Variants in CPD observed in about 807,000 individuals in gnomAD.
CPD encodes the protein carboxypeptidase D.
CPD carries 69 observed loss-of-function variants against 138.3 expected under a neutral mutation model. The observed-to-expected ratio is 0.50, with a 90% confidence interval of 0.41 to 0.61. CPD has a LOEUF of 0.61. Ranked by LOEUF, CPD falls within the 20% of genes least tolerant of loss-of-function variation. CPD has a pLI of 0.00. For missense variants in CPD, 1,432 were observed against 1,733.3 expected (o/e 0.83, Z 3.09); for synonymous variants, 651 against 642.1 (o/e 1.01, Z -0.21).
intron 17 of CPD, among the ~76,000 whole-genome samples, chr17:30,457,706 C>A (rs989517379): frequency 3.6e-4 from 54 of 151,794 alleles, no homozygotes; most frequent in African/African-American, 1.3e-3. Context: ...GTTGCTCAGG[C>A]TGGAGTGCAG....
Position 30,462,477 on chromosome 17 carries a change from CAT to C in CPD, c.3916+9_3916+10del, listed in dbSNP as rs748264994. ...TTGTGGTAACTGTATCAGGTAAAGA[CAT>C]TTTGATTTTTAGTAGTAAAAGTTAA... On this transcript the variant is annotated intron_variant, in intron 20 of 20. Transcript: ENST00000225719. 10 of 1,603,956 alleles carry C rather than the reference CAT, an allele frequency of 6.2e-6. No individual in the cohort carries two copies. In the South Asian group the frequency reaches 1.1e-4, roughly 18 times the overall value.
Position 30,392,292 on chromosome 17 carries a change from G to T in CPD, c.994+7056G>T, listed in dbSNP as rs188349655. Among the ~76,000 whole-genome samples, 231 of 152,250 alleles carry T rather than the reference G, an allele frequency of 1.5e-3. 1 individual carries two copies. The highest frequency in any genetic ancestry group is 2.6e-3 in the Non-Finnish European group (178 of 68,016). Reference sequence around the variant, plus strand: ...CCCAAAGTGCTAGGATTACAGGCATGAGCCACTGCGCCCGGCCTAAAATCT... The same window carrying T: ...CCCAAAGTGCTAGGATTACAGGCATTAGCCACTGCGCCCGGCCTAAAATCT... On this transcript the variant is annotated intron_variant, in intron 2 of 20. Transcript: ENST00000225719.
chr17:30,379,112 G>T lies in CPD; in HGVS notation c.132G>T (p.Thr44=), dbSNP rs1416334462. ...AGGCGGAGGCGACTACCACAACTAC[G>T]AGCGCGGGCGCCGAGGCGGCCGAGG... ...IKKAEATTTT[T]SAGAEAAEGQ... The change falls in exon 1 of 21, where the codon ACG becomes ACT. Residue 44 remains threonine, a synonymous_variant. Coordinates refer to ENST00000225719, the MANE Select transcript of CPD (RefSeq NM_001304.5). This position sits in a 1 kb window ranked among gnomAD's most constrained non-coding sequence, Gnocchi z 7.0. 2.6e-6 allele frequency: 4 copies of T among 1,545,076 alleles called. No homozygotes were observed. The African/African-American group carries it at 5.6e-5, about 22-fold the overall frequency.
At chr17:30,381,947 A>G (rs965374016) in intron 1 of CPD, among the ~76,000 whole-genome samples, 3 of 152,248 alleles carry the variant, frequency 2.0e-5, no homozygotes, top group African/African-American at 7.2e-5. Flanking sequence ...ATGGATGTTG[A>G]GACAAATACT....
Position 30,455,245 on chromosome 17 carries a change from C to T in CPD, c.3206-94C>T. 11 of 1,038,562 alleles carry T rather than the reference C, an allele frequency of 1.1e-5. No homozygotes were observed. The South Asian group carries it at 1.8e-4, about 17-fold the overall frequency. The allele number at this position is 1,038,562 out of a possible 1,614,324, so 64.3% of individuals were successfully genotyped here. ...ATTTATCTACAAATTTTTAAGTTAG[C>T]ATTTTGATTGTATTCAAGTAGAGAA... is the stretch of plus-strand genomic sequence containing the variant. On this transcript the variant is annotated intron_variant, in intron 14 of 20. Coordinates refer to ENST00000225719, the MANE Select transcript of CPD (RefSeq NM_001304.5).
intron 2 of CPD, among the ~76,000 whole-genome samples, chr17:30,392,661 A>G (rs1911391522): frequency 6.6e-6 from 1 of 152,218 alleles, no homozygotes; most frequent in African/African-American, 2.4e-5. Flanking sequence ...AAAAAACACT[A>G]TTCTTGATCA....
chr17:30,395,147 T>C (rs1911465182), intron 2 of CPD, among the ~76,000 whole-genome samples: 1 of 151,464 alleles, frequency 6.6e-6, no homozygotes, highest in African/African-American at 2.4e-5. Context: ...TTTAATTGCG[T>C]GGAGCTAGAA....
intron 2 of CPD, among the ~76,000 whole-genome samples, chr17:30,396,284 T>TA (rs905226718): frequency 3.9e-5 from 6 of 152,184 alleles, no homozygotes; most frequent in Admixed American, 1.3e-4. Context: ...TTTTCCTATT[T>TA]AAAAAAACAC....
chr17:30,446,832 C>G (rs1266892163), intron 12 of CPD, among the ~76,000 whole-genome samples: 1 of 152,214 alleles, frequency 6.6e-6, no homozygotes, highest in East Asian at 1.9e-4. Context: ...TCCTCTCCAG[C>G]ACCTGTTGTT....
chr17:30,382,161 T>G lies in CPD; in HGVS notation c.746+2435T>G, dbSNP rs142521226. ...TGAGAGTGGGTGCAGATGATTTTTT[T>G]GGGGGCTTATGTATACATATCTATG... is the stretch of plus-strand genomic sequence containing the variant. On this transcript the variant is annotated intron_variant, in intron 1 of 20. Transcript: ENST00000225719. 6.0e-4 allele frequency among the ~76,000 whole-genome samples: 92 copies of G among 152,250 alleles called. 1 individual carries two copies. Among genetic ancestry groups the G allele is most frequent in the South Asian group, 5.4e-3 (26 of 4,828 alleles).
intron 2 of CPD, among the ~76,000 whole-genome samples, chr17:30,389,272 T>G (rs1197617002): frequency 6.6e-6 from 1 of 152,344 alleles, no homozygotes; most frequent in South Asian, 2.1e-4. Flanking sequence ...TCCTATAGTT[T>G]CTACCAGTGT....
chr17:30,446,337 C>G (rs1281866427), intron 12 of CPD, among the ~76,000 whole-genome samples: 1 of 152,094 alleles, frequency 6.6e-6, no homozygotes, highest in Non-Finnish European at 1.5e-5. Flanking sequence ...ACCCCTACCC[C>G]ACAACAGACC....
At position 30,443,809 on chromosome 17, in the gene CPD, A is replaced by T; in HGVS notation, c.2381A>T (p.Gln794Leu). The T allele has an allele frequency of 6.2e-7, 1 of 1,609,102 alleles. No homozygotes were observed. Among genetic ancestry groups the T allele is most frequent in the Non-Finnish European group, 8.5e-7 (1 of 1,176,504 alleles). ...SLIQFMKQVH[Q>L]GVRGFVLDAT... ...TCCTTGTACTTAATCCAGGTTCATC[A>T]GGGCGTCAGAGGATTTGTTCTAGAT... is the stretch of plus-strand genomic sequence containing the variant. Residue 794 changes from glutamine (Q) to leucine (L), a missense_variant, in exon 11 of 21, where the codon CAG becomes CTG. This residue lies in a region of CPD where 297 missense variants were observed against 405.3 expected (regional missense o/e 0.73). Transcript: ENST00000225719.
chr17:30,379,331 CGGGCCCGACGCTGCG>C lies in CPD; in HGVS notation c.357_371del (p.Asp120_Pro124del). 1.3e-6 allele frequency: 2 copies of C among 1,489,634 alleles called. No individual in the cohort carries two copies. The highest frequency in any genetic ancestry group is 1.8e-6 in the Non-Finnish European group (2 of 1,127,748). The allele number at this position is 1,489,634 out of a possible 1,614,324, so 92.3% of individuals were successfully genotyped here. A position where few individuals can be genotyped will look rare whatever the true frequency, so the allele number is the denominator to read the frequency against. ...AGGGCGACGCGGGGCCTGACGCTGCCGGGCCCGACGCTGCGGGGCCGCTGCTGCCCGGCCGGCCCC... is the reference window on the plus strand; with the variant it reads ...AGGGCGACGCGGGGCCTGACGCTGCCGGGCCGCTGCTGCCCGGCCGGCCCC... On this transcript the variant is annotated inframe_deletion, in exon 1 of 21. Coordinates refer to ENST00000225719, the MANE Select transcript of CPD (RefSeq NM_001304.5). This position sits in a 1 kb window ranked among gnomAD's most constrained non-coding sequence, Gnocchi z 7.0.
chr17:30,427,082 T>C (rs868680290), intron 6 of CPD, among the ~76,000 whole-genome samples: 8 of 151,498 alleles, frequency 5.3e-5, no homozygotes, highest in African/African-American at 1.9e-4. Flanking sequence ...CTTGGGAGGC[T>C]GAGATGGGAG....
intron 6 of CPD, among the ~76,000 whole-genome samples, chr17:30,424,604 T>C (rs1207922134): frequency 6.6e-6 from 1 of 152,240 alleles, no homozygotes; most frequent in African/African-American, 2.4e-5. Flanking sequence ...AAACCAGATA[T>C]CTGTCTGAGT....
chr17:30,416,562 C>T (rs1245085263), intron 2 of CPD, among the ~76,000 whole-genome samples: 1 of 152,206 alleles, frequency 6.6e-6, no homozygotes, highest in Admixed American at 6.5e-5. Flanking sequence ...TTGCCAGAAT[C>T]CCTCGACCTC....
intron 6 of CPD, among the ~76,000 whole-genome samples, chr17:30,424,218 G>A (rs1333580154): frequency 1.3e-5 from 2 of 152,198 alleles, no homozygotes; most frequent in Admixed American, 6.5e-5. Context: ...ATTATCAATC[G>A]AAAGGAATGT....
In CPD at chr17:30,445,946, C is replaced by A. The variant is rs776726904; in HGVS notation, c.2799C>A (p.Tyr933Ter). Reference protein sequence around the residue: ...SSNLALALYRYHSYKDLSEFL... With the variant: ...SSNLALALYR ...ATCTGGCTCTGGCTCTTTATCGATACCATTCCTACAAAGACTTATCAGAGT... is the reference window on the plus strand; with the variant it reads ...ATCTGGCTCTGGCTCTTTATCGATAACATTCCTACAAAGACTTATCAGAGT... The change falls in exon 12 of 21, where the codon TAC becomes TAA. Residue 933 changes from tyrosine to a stop codon, truncating the protein, a stop_gained. Coordinates refer to ENST00000225719, the MANE Select transcript of CPD (RefSeq NM_001304.5). LOFTEE classifies it high-confidence loss of function. 2.7e-5 allele frequency: 43 copies of A among 1,613,928 alleles called. No homozygotes were observed. The highest frequency in any genetic ancestry group is 2.5e-6 in the Non-Finnish European group (3 of 1,179,968).
Sources: allele counts gnomAD v4.1 joint callset (sites outside exome capture counted in the v4.1 genomes callset), GRCh38; gene constraint gnomAD v4.1.1; regional missense constraint gnomAD v4.1.1; non-coding constraint Gnocchi (gnomAD v3.1); transcripts MANE v1.5; gene names NCBI Gene and HGNC (gene_info 2026-07-23, HGNC 2026-07-21).